The following NAALADL2 variants were observed in gnomAD, a reference collection of about 807,000 sequenced individuals.
NAALADL2 encodes the protein N-acetylated alpha-linked acidic dipeptidase like 2.
NAALADL2 carries 76 observed loss-of-function variants against 87.2 expected under a neutral mutation model. The observed-to-expected ratio is 0.87, with a 90% CI of 0.72 to 1.05. The LOEUF (loss-of-function observed/expected upper bound fraction) is 1.05, where lower values mean the gene tolerates loss of function less well. NAALADL2 is among the 50% of genes least tolerant of loss of function. The pLI is 0.00. For missense variants in NAALADL2, 1,089 were observed against 945.8 expected (o/e 1.15, Z -1.99); for synonymous variants, 354 against 331.0 (o/e 1.07, Z -0.75).
At chr3:175,477,781 T>C (rs975078128) in intron 9 of NAALADL2, among the ~76,000 whole-genome samples, 2 of 145,492 alleles carry the variant, frequency 1.4e-5, no homozygotes, top group Admixed American at 7.2e-5. Flanking sequence ...ACTGCCTCAA[T>C]AGAGCCATTC....
chr3:175,096,495 CGT>C (rs3067035), intron 1 of NAALADL2, among the ~76,000 whole-genome samples: 4,861 of 143,210 alleles, frequency 0.034, 82 homozygotes, highest in Middle Eastern at 0.066. Flanking sequence ...ATTAATGGGG[CGT>C]GTGTGTGTGT....
At chr3:175,667,167 AAG>A (rs1391466391) in intron 11 of NAALADL2, among the ~76,000 whole-genome samples, 28 of 139,832 alleles carry the variant, frequency 2.0e-4, no homozygotes, top group African/African-American at 7.4e-4. Flanking sequence ...AAGAAAAAGA[AAG>A]AAAGAAAGAA....
At chr3:175,581,234 G>A in intron 10 of NAALADL2, 1 of 299,442 alleles carries the variant, frequency 3.3e-6, no homozygotes, top group Non-Finnish European at 7.0e-6. Context: ...CGGAGGTCAG[G>A]AGATCGAGAC....
intron 3 of NAALADL2, among the ~76,000 whole-genome samples, chr3:174,760,298 C>T (rs1218698079): frequency 6.6e-6 from 1 of 152,152 alleles, no homozygotes; most frequent in Non-Finnish European, 1.5e-5. Context: ...GAAACCTTCC[C>T]ACCGAGGAGG....
intron 10 of NAALADL2, 106 bp downstream of exon 10, chr3:175,576,293 G>C: frequency 1.0e-6 from 1 of 1,004,584 alleles, no homozygotes; most frequent in Non-Finnish European, 1.5e-6. Context: ...GGTCACTATA[G>C]AAAAGCGGCT....
At chr3:175,324,355 T>C (rs750960299) in intron 5 of NAALADL2, 30 bp downstream of exon 5, 2 of 1,581,954 alleles carry the variant, frequency 1.3e-6, no homozygotes, top group Non-Finnish European at 1.7e-6. Context: ...TTATTATACT[T>C]GTAAGTAAGC....
At chr3:175,638,200 A>G (rs1041741107) in intron 11 of NAALADL2, among the ~76,000 whole-genome samples, 1 of 152,204 alleles carries the variant, frequency 6.6e-6, no homozygotes, top group African/African-American at 2.4e-5. Flanking sequence ...AATGACAATC[A>G]GTTTATATGC....
chr3:174,747,621 CAA>C (rs150843588), intron 3 of NAALADL2, among the ~76,000 whole-genome samples: 34 of 38,640 alleles, frequency 8.8e-4, no homozygotes, highest in African/African-American at 3.7e-3. Context: ...GACCCCATCT[CAA>C]AAAAAAAAAA....
At chr3:175,185,503 A>G (rs564858606) in intron 2 of NAALADL2, among the ~76,000 whole-genome samples, 24 of 152,124 alleles carry the variant, frequency 1.6e-4, no homozygotes, top group Non-Finnish European at 2.9e-4. Context: ...AGCATGCATC[A>G]TGATGTATTT....
chr3:174,658,630 G>A (rs1262806134), intron 2 of NAALADL2, among the ~76,000 whole-genome samples: 4 of 152,216 alleles, frequency 2.6e-5, no homozygotes, highest in African/African-American at 9.6e-5. Flanking sequence ...TTCTGAAAGT[G>A]AGAAATTTTA....
At chr3:175,291,448 C>T (rs1755625741) in intron 4 of NAALADL2, among the ~76,000 whole-genome samples, 1 of 152,036 alleles carries the variant, frequency 6.6e-6, no homozygotes, top group Admixed American at 6.6e-5. Context: ...CATTGCATGT[C>T]TAGTTTTTTA....
At position 175,333,934 on chromosome 3, in the gene NAALADL2, C is replaced by T. The variant is rs145086969; in HGVS notation, c.1090+9609C>T. 6.5e-4 allele frequency among the ~76,000 whole-genome samples: 99 copies of T among 152,258 alleles called. 1 individual carries two copies. The East Asian group carries it at 9.9e-3, about 15-fold the overall frequency. ...ATTCCATGCATGTAACAAAATATCA[C>T]ATGCATCACCATATATATGTATAAA... is the stretch of plus-strand genomic sequence containing the variant. On this transcript the variant is annotated intron_variant, in intron 5 of 13. Coordinates refer to ENST00000454872, the MANE Select transcript of NAALADL2 (RefSeq NM_207015.3).
intron 3 of NAALADL2, among the ~76,000 whole-genome samples, chr3:174,768,049 C>T (rs1266230193): frequency 2.6e-5 from 4 of 152,080 alleles, no homozygotes; most frequent in East Asian, 1.9e-4. Flanking sequence ...GTTAAATAAA[C>T]GTACTAGGAG....
At chr3:175,205,585 G>A (rs961488744) in intron 2 of NAALADL2, among the ~76,000 whole-genome samples, 2 of 152,038 alleles carry the variant, frequency 1.3e-5, no homozygotes, top group Non-Finnish European at 2.9e-5. Context: ...TAAAAACAAA[G>A]ATTGATAGTT....
rs1016374519 is a variant in NAALADL2, at chr3:174,822,590, C to T, written c.-9+84844C>T. 6.6e-5 allele frequency among the ~76,000 whole-genome samples: 10 copies of T among 152,114 alleles called. No homozygotes were observed. The East Asian group carries it at 1.9e-3, about 29-fold the overall frequency. Reference sequence around the variant, plus strand: ...GGGAGAAGGCTAGAGAAAATCAGCTCAGAAAAGTGATCCAAGAGCTGAGCT... The same window carrying T: ...GGGAGAAGGCTAGAGAAAATCAGCTTAGAAAAGTGATCCAAGAGCTGAGCT... On this transcript the variant is annotated intron_variant, in intron 3 of 3. Transcript: ENST00000434257.
intron 9 of NAALADL2, among the ~76,000 whole-genome samples, chr3:175,572,703 T>G (rs1180225642): frequency 6.6e-6 from 1 of 152,168 alleles, no homozygotes; most frequent in African/African-American, 2.4e-5. Context: ...AGAAGAGAAC[T>G]CACAGTGGCT....
At chr3:174,525,613 G>A (rs1377159616) in intron 1 of NAALADL2, among the ~76,000 whole-genome samples, 3 of 152,014 alleles carry the variant, frequency 2.0e-5, no homozygotes, top group African/African-American at 7.3e-5. Context: ...GATTTGGAGG[G>A]GCACAAACAT....
At chr3:175,185,743 A>G (rs899565651) in intron 2 of NAALADL2, among the ~76,000 whole-genome samples, 8 of 150,466 alleles carry the variant, frequency 5.3e-5, no homozygotes, top group Admixed American at 5.3e-4. Flanking sequence ...GCTTTTTTAT[A>G]TAATTATTTT....
intron 1 of NAALADL2, among the ~76,000 whole-genome samples, chr3:174,910,130 G>C (rs1317352863): frequency 6.6e-6 from 1 of 151,612 alleles, no homozygotes; most frequent in Non-Finnish European, 1.5e-5. Flanking sequence ...TTAGAGATTG[G>C]CTTTAAGAAT....
Sources: gnomAD v4.1 joint callset for allele counts (sites outside exome capture counted in the v4.1 genomes callset) on GRCh38, gnomAD v4.1.1 for gene constraint, MANE v1.5 for transcripts, NCBI Gene and HGNC (gene_info 2026-07-23, HGNC 2026-07-21) for gene names.